The following TNFRSF1B variants were observed in gnomAD, a reference collection of about 807,000 sequenced individuals.
TNFRSF1B encodes tumor necrosis factor receptor superfamily member 1B.
Under a neutral mutation model 44.6 loss-of-function variants are expected in TNFRSF1B, and 19 were observed. That is an observed-to-expected ratio of 0.43 (90% CI 0.30 to 0.62). The LOEUF is 0.62. Ranked by LOEUF, TNFRSF1B falls within the 20% of genes least tolerant of loss-of-function variation. The pLI is 0.16. For synonymous variants in TNFRSF1B, 252 were observed against 261.1 expected (o/e 0.97, Z 0.34); for missense variants, 541 against 619.9 (o/e 0.87, Z 1.35).
At chr1:12,185,559 G>T (rs569748684) in intron 1 of TNFRSF1B, among the ~76,000 whole-genome samples, 35 of 152,284 alleles carry the variant, frequency 2.3e-4, no homozygotes, top group Admixed American at 1.6e-3. Flanking sequence ...TGGCAGCACC[G>T]TGTCCAGGCA....
intron 9 of TNFRSF1B, among the ~76,000 whole-genome samples, chr1:12,203,485 C>T (rs556351503): frequency 1.3e-5 from 2 of 152,282 alleles, no homozygotes; most frequent in South Asian, 4.1e-4. Flanking sequence ...CTGTTCCTAC[C>T]TGCCCCCAAC....
In TNFRSF1B at chr1:12,171,293, C is replaced by A. The variant is rs754024209; in HGVS notation, c.78+4124C>A. ...CCTCCCGAAGTGCTGGGATTATAGG[C>A]GTGAGCCACCCCACCCAGCCCCATT... is the stretch of plus-strand genomic sequence containing the variant. On this transcript the variant is annotated intron_variant, in intron 1 of 9. Coordinates refer to ENST00000376259, the MANE Select transcript of TNFRSF1B (RefSeq NM_001066.3). The surrounding 1 kb of genome is among the most constrained non-coding windows in gnomAD (Gnocchi z 4.5). Among the ~76,000 whole-genome samples, 1 of 151,806 alleles carries A rather than the reference C, an allele frequency of 6.6e-6. No homozygotes were observed. The highest frequency in any genetic ancestry group is 1.5e-5 in the Non-Finnish European group (1 of 68,014).
chr1:12,194,730 G>A, intron 8 of TNFRSF1B, 112 bp downstream of exon 8: 1 of 1,381,760 alleles, frequency 7.2e-7, no homozygotes, highest in South Asian at 1.2e-5. Context: ...GTGTCAGGAG[G>A]TGTGCAGAGC....
chr1:12,187,668 T>C lies in TNFRSF1B; in HGVS notation c.79-1128T>C, dbSNP rs1245632983. Among the ~76,000 whole-genome samples, 7 of 152,178 alleles carry C rather than the reference T, an allele frequency of 4.6e-5. No homozygotes were observed. The highest frequency in any genetic ancestry group is 1.2e-4 in the African/African-American group (5 of 41,438). On this transcript the variant is annotated intron_variant, in intron 1 of 9. Coordinates refer to ENST00000376259, the MANE Select transcript of TNFRSF1B (RefSeq NM_001066.3). The surrounding 1 kb of genome is among the most constrained non-coding windows in gnomAD (Gnocchi z 5.5). ...AGTAGGGAAACCGTCTCCATCTTCA[T>C]TGGGTGGTTGGGAAGTCTTGCTGAG...
At chr1:12,190,806 T>C in intron 2 of TNFRSF1B, 151 bp from the exon 3 acceptor site, 1 of 865,568 alleles carries the variant, frequency 1.2e-6, no homozygotes, top group Non-Finnish European at 1.8e-6. Flanking sequence ...GGTACAATAC[T>C]AGATGGGAGA....
chr1:12,175,241 C>T (rs961750003), intron 1 of TNFRSF1B, among the ~76,000 whole-genome samples: 4 of 152,198 alleles, frequency 2.6e-5, no homozygotes, highest in Non-Finnish European at 5.9e-5. Context: ...TCATCTTGGC[C>T]CGGCCTCTGC....
rs537609939 is a variant in TNFRSF1B, at chr1:12,178,555, G to A, written c.79-10241G>A. On this transcript the variant is annotated intron_variant, in intron 1 of 9. Coordinates refer to ENST00000376259, the MANE Select transcript of TNFRSF1B (RefSeq NM_001066.3). The surrounding 1 kb of genome is among the most constrained non-coding windows in gnomAD (Gnocchi z 4.3). ...AACCAATAATTAACCAAAACTGGTCGGGTGTGGGCAGTATAGAGATGCACC... is the reference window on the plus strand; with the variant it reads ...AACCAATAATTAACCAAAACTGGTCAGGTGTGGGCAGTATAGAGATGCACC... Among the ~76,000 whole-genome samples the A allele has an allele frequency of 6.6e-5, 10 of 152,284 alleles. No homozygotes were observed. The East Asian group carries it at 1.2e-3, about 18-fold the overall frequency.
At chr1:12,190,815 G>A in intron 2 of TNFRSF1B, 142 bp from the exon 3 acceptor site, 1 of 955,004 alleles carries the variant, frequency 1.0e-6, no homozygotes, top group Non-Finnish European at 1.6e-6. Flanking sequence ...CTAGATGGGA[G>A]ATGATTCTGA....
At chr1:12,200,408 A>G (rs1639360580) in intron 8 of TNFRSF1B, among the ~76,000 whole-genome samples, 1 of 152,010 alleles carries the variant, frequency 6.6e-6, no homozygotes, top group African/African-American at 2.4e-5. Context: ...GACTGAGCGC[A>G]AAGGTCTGCA....
intron 1 of TNFRSF1B, among the ~76,000 whole-genome samples, 153 bp from the exon 2 acceptor site, chr1:12,188,643 T>C (rs1282983986): frequency 2.6e-5 from 4 of 152,130 alleles, no homozygotes; most frequent in Non-Finnish European, 2.9e-5. Context: ...CTCCTTCCTG[T>C]ACCCTGCTCC....
chr1:12,187,313 C>T lies in TNFRSF1B; in HGVS notation c.79-1483C>T, dbSNP rs573118507. On this transcript the variant is annotated intron_variant, in intron 1 of 9. Transcript: ENST00000376259. The surrounding 1 kb of genome is among the most constrained non-coding windows in gnomAD (Gnocchi z 5.5). ...GGATTACAGGCACACGCCACTATGC[C>T]GGGATAATTTTGTATTTTTAGTAGA... Among the ~76,000 whole-genome samples, 50 of 152,118 alleles carry T rather than the reference C, an allele frequency of 3.3e-4. No individual in the cohort carries two copies. Among genetic ancestry groups the T allele is most frequent in the Non-Finnish European group, 5.6e-4 (38 of 68,012 alleles).
intron 3 of TNFRSF1B, 26 bp from the exon 4 acceptor site, chr1:12,191,748 C>A: frequency 6.2e-7 from 1 of 1,612,080 alleles, no homozygotes; most frequent in Non-Finnish European, 8.5e-7. Context: ...CAGGCGTGAC[C>A]GTTTGCCGCC....
chr1:12,167,119 C>A lies in TNFRSF1B; in HGVS notation c.28C>A (p.Leu10Met). ...GGCGCCCGTCGCCGTCTGGGCCGCGCTGGCCGTCGGACTGGAGCTCTGGGC... is the reference window on the plus strand; with the variant it reads ...GGCGCCCGTCGCCGTCTGGGCCGCGATGGCCGTCGGACTGGAGCTCTGGGC... MAPVAVWAA[L>M]AVGLELWAAA... Residue 10 changes from leucine (L) to methionine (M), a missense_variant, in exon 1 of 10, where the codon CTG (leucine) becomes ATG (methionine). By Grantham distance (15) the Leu-to-Met change is conservative (BLOSUM62 2). Coordinates refer to ENST00000376259, the MANE Select transcript of TNFRSF1B (RefSeq NM_001066.3). 7.4e-7 allele frequency: 1 copy of A among 1,352,962 alleles called. No homozygotes were observed. The highest frequency in any genetic ancestry group is 9.5e-7 in the Non-Finnish European group (1 of 1,048,052). 83.8% of individuals were successfully genotyped at this position (1,352,962 alleles called of 1,614,324 possible).
chr1:12,188,825 C>T lies in TNFRSF1B; in HGVS notation c.108C>T (p.Pro36=), dbSNP rs377349339. The T allele has an allele frequency of 3.0e-5, 49 of 1,613,706 alleles. No homozygotes were observed. Among genetic ancestry groups the T allele is most frequent in the African/African-American group, 8.0e-5 (6 of 74,894 alleles). ...CATTTACACCCTACGCCCCGGAGCCCGGGAGCACATGCCGGCTCAGAGAAT... is the reference window on the plus strand; with the variant it reads ...CATTTACACCCTACGCCCCGGAGCCTGGGAGCACATGCCGGCTCAGAGAAT... ...QVAFTPYAPE[P]GSTCRLREYY... is the part of the protein sequence containing the mutation. The change falls in exon 2 of 10, where the codon CCC becomes CCT. Residue 36 remains proline, a synonymous_variant. Transcript: ENST00000376259.
At chr1:12,172,037 G>C (rs1203111444) in intron 1 of TNFRSF1B, among the ~76,000 whole-genome samples, 1 of 152,090 alleles carries the variant, frequency 6.6e-6, no homozygotes, top group Non-Finnish European at 1.5e-5. Flanking sequence ...GAGGTTAGGG[G>C]TCCTCTCCCC....
chr1:12,177,272 G>A lies in TNFRSF1B; in HGVS notation c.78+10103G>A, dbSNP rs572616031. Among the ~76,000 whole-genome samples the A allele has an allele frequency of 4.6e-5, 7 of 152,312 alleles. No individual in the cohort carries two copies. The highest frequency in any genetic ancestry group is 1.0e-4 in the Non-Finnish European group (7 of 68,018). On this transcript the variant is annotated intron_variant, in intron 1 of 9. Transcript: ENST00000376259. The surrounding 1 kb of genome is among the most constrained non-coding windows in gnomAD (Gnocchi z 4.3). ...TCCACCTGCCTTGGCCTCCCAGAGT[G>A]CTGGGATTACAGGCGGGAGCCACCG...
At chr1:12,194,248 G>T (rs1639216094) in intron 7 of TNFRSF1B, among the ~76,000 whole-genome samples, 1 of 152,170 alleles carries the variant, frequency 6.6e-6, no homozygotes, top group African/African-American at 2.4e-5. Flanking sequence ...AGGGTAGGAG[G>T]AGTTCAGGAT....
chr1:12,208,943 C>G lies in TNFRSF1B; in HGVS notation c.*1923C>G, dbSNP rs1490325972. ...CCTGAGCAACAGAGTGAGACCCTGT[C>G]TCTTAAAGAAAAAAAAAGTCAGACT... is the stretch of plus-strand genomic sequence containing the variant. On this transcript the variant is annotated 3_prime_UTR_variant, in exon 10 of 10. Coordinates refer to ENST00000376259, the MANE Select transcript of TNFRSF1B (RefSeq NM_001066.3). 1.3e-5 allele frequency: 2 copies of G among 152,190 alleles called. No homozygotes were observed. Among genetic ancestry groups the G allele is most frequent in the African/African-American group, 4.8e-5 (2 of 41,410 alleles). 9.4% of individuals were successfully genotyped at this position (152,190 alleles called of 1,614,324 possible). A position where few individuals can be genotyped will look rare whatever the true frequency, so the allele number is the denominator to read the frequency against.
Position 12,178,128 on chromosome 1 carries a change from T to A in TNFRSF1B, c.79-10668T>A, listed in dbSNP as rs1397483653. Among the ~76,000 whole-genome samples the A allele has an allele frequency of 6.6e-6, 1 of 152,234 alleles. No individual in the cohort carries two copies. Among genetic ancestry groups the A allele is most frequent in the South Asian group, 2.1e-4 (1 of 4,832 alleles). On this transcript the variant is annotated intron_variant, in intron 1 of 9. Coordinates refer to ENST00000376259, the MANE Select transcript of TNFRSF1B (RefSeq NM_001066.3). The surrounding 1 kb of genome is among the most constrained non-coding windows in gnomAD (Gnocchi z 4.3). ...CACTGGTGCACTCAGTCTGCTGCTC[T>A]GAGGACGCCGCCCCCTCTCTTTGTA...
Sources: gnomAD v4.1 joint callset for allele counts (sites outside exome capture counted in the v4.1 genomes callset) on GRCh38, gnomAD v4.1.1 for gene constraint, Gnocchi (gnomAD v3.1) non-coding constraint, MANE v1.5 for transcripts, NCBI Gene and HGNC (gene_info 2026-07-23, HGNC 2026-07-21) for gene names.